AGBL4: variants seen among roughly 807,000 people sequenced by gnomAD.
AGBL4 encodes cytosolic carboxypeptidase 6.
AGBL4 carries 58 observed loss-of-function variants against 66.4 expected under a neutral mutation model. That is an observed-to-expected ratio of 0.87 (90% CI 0.71 to 1.09). AGBL4 has a LOEUF of 1.09. Ranked by LOEUF, AGBL4 falls within the 50% of genes least tolerant of loss-of-function variation. The probability of loss-of-function intolerance (pLI) is 0.00; values close to 1 mark genes in which losing one functional copy is unlikely to be tolerated. For missense variants in AGBL4, 579 were observed against 631.0 expected (o/e 0.92, Z 0.88); for synonymous variants, 234 against 222.9 (o/e 1.05, Z -0.44).
intron 1 of AGBL4, among the ~76,000 whole-genome samples, chr1:49,901,886 A>G (rs1649801759): frequency 6.6e-6 from 1 of 152,206 alleles, no homozygotes; most frequent in Non-Finnish European, 1.5e-5. Context: ...ATAATCCCTC[A>G]TACTTACAGC....
At chr1:49,117,861 A>G (rs1271664878) in intron 4 of AGBL4, among the ~76,000 whole-genome samples, 2 of 152,122 alleles carry the variant, frequency 1.3e-5, no homozygotes, top group Non-Finnish European at 2.9e-5. Context: ...AGCATGGAAT[A>G]TTCTTCCATT....
At chr1:49,192,651 G>A (rs550088152) in intron 4 of AGBL4, among the ~76,000 whole-genome samples, 7 of 152,288 alleles carry the variant, frequency 4.6e-5, no homozygotes, top group South Asian at 4.1e-4. Flanking sequence ...TTTGAGAAGC[G>A]TCTGTTCATG....
chr1:48,813,119 A>T (rs1487846341), intron 6 of AGBL4, among the ~76,000 whole-genome samples: 4 of 152,144 alleles, frequency 2.6e-5, no homozygotes, highest in African/African-American at 9.7e-5. Context: ...ATAATAATAA[A>T]AAAAATGGAG....
At chr1:49,092,224 A>C (rs1489786380) in intron 4 of AGBL4, among the ~76,000 whole-genome samples, 2 of 152,154 alleles carry the variant, frequency 1.3e-5, no homozygotes, top group Non-Finnish European at 2.9e-5. Context: ...TATGCATCCT[A>C]TTGGTCTGTT....
chr1:49,506,462 T>G (rs1335095682), intron 3 of AGBL4, among the ~76,000 whole-genome samples: 1 of 151,810 alleles, frequency 6.6e-6, no homozygotes. Context: ...TGGGGGTGGG[T>G]CTTTCTTGTG....
At chr1:48,803,018 T>C (rs147881077) in intron 6 of AGBL4, among the ~76,000 whole-genome samples, 1 of 152,284 alleles carries the variant, frequency 6.6e-6, no homozygotes, top group East Asian at 1.9e-4. Context: ...CTATAGGTCC[T>C]TGAGTATCTG....
chr1:49,720,571 G>T (rs566020820), intron 2 of AGBL4, among the ~76,000 whole-genome samples: 2 of 152,216 alleles, frequency 1.3e-5, no homozygotes, highest in Admixed American at 1.3e-4. Context: ...GAATAATACT[G>T]CCTGGGTTCA....
Position 49,912,069 on chromosome 1 carries a change from C to T in AGBL4, c.35-60551G>A, listed in dbSNP as rs143008554. On this transcript the variant is annotated intron_variant, in intron 1 of 13. Transcript: ENST00000371839. ...TGTGGTTGAGGAACTATTCCATCTG[C>T]GCTAAGACCTGCTACAACACATGTA... Among the ~76,000 whole-genome samples the T allele has an allele frequency of 4.9e-4, 74 of 152,268 alleles. No individual in the cohort carries two copies. The Middle Eastern group carries it at 0.01, about 21-fold the overall frequency.
intron 3 of AGBL4, among the ~76,000 whole-genome samples, chr1:49,669,779 A>T (rs989053061): frequency 2.0e-5 from 3 of 152,178 alleles, no homozygotes; most frequent in Admixed American, 1.3e-4. Context: ...ACAGGTATGT[A>T]AACAGAGTTT....
At chr1:49,504,285 T>C (rs1428809484) in intron 3 of AGBL4, among the ~76,000 whole-genome samples, 3 of 152,106 alleles carry the variant, frequency 2.0e-5, no homozygotes, top group Admixed American at 2.0e-4. Flanking sequence ...TGCAGAACTG[T>C]GAGTCAATTA....
At chr1:48,854,460 C>T (rs1335062068) in intron 6 of AGBL4, among the ~76,000 whole-genome samples, 4 of 152,154 alleles carry the variant, frequency 2.6e-5, no homozygotes, top group Non-Finnish European at 5.9e-5. Flanking sequence ...GCTGTGGAGC[C>T]TCTAGTAGCC....
intron 1 of AGBL4, among the ~76,000 whole-genome samples, chr1:49,890,536 G>A (rs1056120488): frequency 6.6e-6 from 1 of 152,102 alleles, no homozygotes; most frequent in Non-Finnish European, 1.5e-5. Flanking sequence ...AAATATATAA[G>A]TAAATAATAC....
chr1:48,641,626 C>A (rs755149018), intron 8 of AGBL4, among the ~76,000 whole-genome samples: 1 of 152,126 alleles, frequency 6.6e-6, no homozygotes, highest in African/African-American at 2.4e-5. Context: ...AGGGCAGTGA[C>A]TGAATCTATT....
chr1:49,977,614 CTT>C (rs1300708483), intron 1 of AGBL4, among the ~76,000 whole-genome samples: 2 of 152,178 alleles, frequency 1.3e-5, no homozygotes, highest in African/African-American at 4.8e-5. Flanking sequence ...AATGTGTTCT[CTT>C]CTCTCACCTT....
chr1:48,751,614 C>T (rs1308240355), intron 6 of AGBL4, among the ~76,000 whole-genome samples: 1 of 152,226 alleles, frequency 6.6e-6, no homozygotes, highest in Non-Finnish European at 1.5e-5. Context: ...GTAATGAACA[C>T]TTTCCCACCT....
intron 3 of AGBL4, among the ~76,000 whole-genome samples, chr1:49,276,393 A>C (rs1193249740): frequency 6.6e-6 from 1 of 152,190 alleles, no homozygotes; most frequent in East Asian, 1.9e-4. Context: ...AAAGTTTCAA[A>C]GTAGAGACTC....
intron 3 of AGBL4, among the ~76,000 whole-genome samples, chr1:49,263,369 T>C (rs1325073250): frequency 6.6e-6 from 1 of 151,576 alleles, no homozygotes; most frequent in African/African-American, 2.4e-5. Context: ...CAAAAAAAGA[T>C]AAAAAAATAG....
intron 5 of AGBL4, among the ~76,000 whole-genome samples, chr1:48,890,272 C>T (rs562691148): frequency 2.6e-5 from 4 of 152,270 alleles, no homozygotes; most frequent in African/African-American, 9.6e-5. Flanking sequence ...GGTTTAGCCT[C>T]CAAGCTTCAA....
chr1:49,560,819 TAAAGGAAAA>T, intron 3 of AGBL4, among the ~76,000 whole-genome samples: 1 of 152,002 alleles, frequency 6.6e-6, no homozygotes. Context: ...CCTAAAGTCC[TAAAGGAAAA>T]AATCTTTTAC....
Sources: allele counts gnomAD v4.1 joint callset (sites outside exome capture counted in the v4.1 genomes callset), GRCh38; gene constraint gnomAD v4.1.1; transcripts MANE v1.5; gene names NCBI Gene and HGNC (gene_info 2026-07-23, HGNC 2026-07-21).